CUL1: variants seen among roughly 807,000 people sequenced by gnomAD.
The protein encoded by CUL1 is cullin-1.
CUL1 carries 24 observed loss-of-function variants against 118.0 expected under a neutral mutation model. The observed-to-expected ratio is 0.20, with a 90% CI of 0.15 to 0.29. The LOEUF (loss-of-function observed/expected upper bound fraction) is 0.29, where lower values mean the gene tolerates loss of function less well. Ranked by LOEUF, CUL1 falls within the 10% of genes least tolerant of loss-of-function variation. CUL1 has a pLI of 1.00. For synonymous variants in CUL1, 332 were observed against 340.4 expected, an observed-to-expected ratio of 0.98 and a Z score of 0.27; for missense variants, 361 against 933.8, an observed-to-expected ratio of 0.39 and a Z score of 7.99.
At chr7:148,793,580 T>C (rs1459414043) in intron 17 of CUL1, among the ~76,000 whole-genome samples, 1 of 152,232 alleles carries the variant, frequency 6.6e-6, no homozygotes, top group Non-Finnish European at 1.5e-5. Context: ...TTTCCCTCAG[T>C]GTATACTGTT....
intron 9 of CUL1, among the ~76,000 whole-genome samples, chr7:148,777,679 C>G (rs1800449929): frequency 6.6e-6 from 1 of 152,092 alleles, no homozygotes; most frequent in Non-Finnish European, 1.5e-5. Context: ...CCAGGGGCAA[C>G]TGCAGCAACA....
rs1800863534 is a variant in CUL1 at position 148,787,705 on chromosome 7, T to G, written c.1479+585T>G. Reference sequence around the variant, plus strand: ...TGGGGCCTCTCCTGCCTCCCACACCTTTAGCCTTGCAGCACATTCACACTT... The same window carrying G: ...TGGGGCCTCTCCTGCCTCCCACACCGTTAGCCTTGCAGCACATTCACACTT... On this transcript the variant is annotated intron_variant, in intron 13 of 21. Transcript: ENST00000325222. The surrounding 1 kb of genome is among the most constrained non-coding windows in gnomAD (Gnocchi z 5.5). Among the ~76,000 whole-genome samples, 1 of 152,136 alleles carries G rather than the reference T, an allele frequency of 6.6e-6. No homozygotes were observed. Among genetic ancestry groups the G allele is most frequent in the Admixed American group, 6.5e-5 (1 of 15,284 alleles).
At chr7:148,712,010 G>A (rs1474127518) in intron 1 of CUL1, among the ~76,000 whole-genome samples, 2 of 152,184 alleles carry the variant, frequency 1.3e-5, no homozygotes, top group African/African-American at 4.8e-5. Context: ...ACGCTTAGTG[G>A]CCTGAGGATG....
chr7:148,748,553 G>T (rs1313904855), intron 2 of CUL1, among the ~76,000 whole-genome samples: 3 of 152,158 alleles, frequency 2.0e-5, no homozygotes, highest in African/African-American at 7.2e-5. Flanking sequence ...AAGATAAATT[G>T]ATAAAACCAT....
At position 148,797,782 on chromosome 7, in the gene CUL1, T is replaced by C. The variant is rs1022042237; in HGVS notation, c.1900-30T>C. 3.8e-6 allele frequency: 6 copies of C among 1,596,294 alleles called. No homozygotes were observed. The African/African-American group carries it at 6.7e-5, about 18-fold the overall frequency. Reference sequence around the variant, plus strand: ...TTGCAAAGAAAAATGCATTTTCCCTTTAACTTCCTCTTTTTCTCTTTAATT... The same window carrying C: ...TTGCAAAGAAAAATGCATTTTCCCTCTAACTTCCTCTTTTTCTCTTTAATT... On this transcript the variant is annotated intron_variant, in intron 17 of 21. Transcript: ENST00000325222.
At chr7:148,779,692 T>C (rs1006123269) in intron 9 of CUL1, among the ~76,000 whole-genome samples, 10 of 152,168 alleles carry the variant, frequency 6.6e-5, no homozygotes, top group African/African-American at 2.4e-4. Flanking sequence ...CTTGCTGCCA[T>C]GTAGAAAGTG....
At chr7:148,699,736 G>A (rs1173485415) in intron 1 of CUL1, among the ~76,000 whole-genome samples, 1 of 152,096 alleles carries the variant, frequency 6.6e-6, no homozygotes. Context: ...TAGCCCGGCG[G>A]CCGAACCGGA....
At chr7:148,777,010 C>T (rs569181064) in intron 9 of CUL1, among the ~76,000 whole-genome samples, 4 of 152,290 alleles carry the variant, frequency 2.6e-5, no homozygotes, top group East Asian at 1.9e-4. Context: ...TTAACATTTT[C>T]GTCTGTAAAC....
intron 7 of CUL1, 131 bp downstream of exon 7, chr7:148,760,627 A>G: frequency 1.6e-6 from 1 of 634,658 alleles, no homozygotes; most frequent in Non-Finnish European, 2.7e-6. Flanking sequence ...TGTTTTTATC[A>G]GGTGCAAGTG....
At chr7:148,744,579 G>A (rs1488284267) in intron 2 of CUL1, among the ~76,000 whole-genome samples, 2 of 151,928 alleles carry the variant, frequency 1.3e-5, no homozygotes, top group African/African-American at 2.4e-5. Flanking sequence ...TACTCGTATC[G>A]CTCTCCTTTA....
At chr7:148,740,633 C>T (rs1250787424) in intron 2 of CUL1, among the ~76,000 whole-genome samples, 1 of 152,150 alleles carries the variant, frequency 6.6e-6, no homozygotes, top group East Asian at 1.9e-4. Context: ...AATTGTGCCT[C>T]TCCTCCATTC....
rs894830474 is a variant in CUL1 at position 148,754,051 on chromosome 7, G to A, written c.216G>A (p.Ser72=). ...ARGAGVPPSK[S]KKGQTPGGAQ... The stretch of plus-strand genomic sequence containing the variant: ...GAGCTGGAGTTCCTCCTTCTAAGTC[G>A]AAAAAGGGGCAGACACCTGGAGGAG... The change falls in exon 3 of 22, where the codon TCG becomes TCA. Residue 72 remains serine (S), a synonymous_variant. Transcript: ENST00000325222. 1.1e-5 allele frequency: 17 copies of A among 1,613,654 alleles called. No homozygotes were observed. The highest frequency in any genetic ancestry group is 2.2e-5 in the East Asian group (1 of 44,894).
Position 148,783,985 on chromosome 7 carries a change from C to T in CUL1, c.1206C>T (p.Phe402=). ...VAALDKACGR[F]INNNAVTKMA... is the part of the protein sequence containing the mutation. ...GTGTAACGCAGGCTTGTGGTCGCTTCATAAACAACAACGCGGTTACCAAGA... is the reference window on the plus strand; with the variant it reads ...GTGTAACGCAGGCTTGTGGTCGCTTTATAAACAACAACGCGGTTACCAAGA... Residue 402 remains phenylalanine, a synonymous_variant, in exon 11 of 22, where the codon TTC becomes TTT. Coordinates refer to ENST00000325222, the MANE Select transcript of CUL1 (RefSeq NM_003592.3). 3 of 1,614,116 alleles carry T rather than the reference C, an allele frequency of 1.9e-6. No homozygotes were observed. The highest frequency in any genetic ancestry group is 2.5e-6 in the Non-Finnish European group (3 of 1,180,020).
At chr7:148,776,307 C>CGTTTTTTTTTTT (rs1800395793) in intron 9 of CUL1, among the ~76,000 whole-genome samples, 1 of 40,692 alleles carries the variant, frequency 2.5e-5, no homozygotes, top group Non-Finnish European at 4.1e-5. Flanking sequence ...CATAACCAGG[C>CGTTTTTTTTTTT]TTTTTTTTTT....
intron 1 of CUL1, among the ~76,000 whole-genome samples, chr7:148,701,460 C>A (rs1243859715): frequency 6.6e-6 from 1 of 152,222 alleles, no homozygotes; most frequent in Non-Finnish European, 1.5e-5. Context: ...GAAACTTTAA[C>A]TTTTTTCCCC....
intron 2 of CUL1, among the ~76,000 whole-genome samples, chr7:148,736,245 A>G (rs1798937854): frequency 1.3e-5 from 2 of 152,216 alleles, no homozygotes; most frequent in Non-Finnish European, 2.9e-5. Flanking sequence ...ACCAAGCTCT[A>G]CAGTGCAGGC....
chr7:148,726,388 TAA>T (rs750172244), intron 1 of CUL1, among the ~76,000 whole-genome samples: 1 of 143,814 alleles, frequency 7.0e-6, no homozygotes, highest in African/African-American at 2.5e-5. Context: ...AGTCAAGCTT[TAA>T]AAAAAAAAAA....
At chr7:148,712,889 C>G (rs1281117529) in intron 1 of CUL1, among the ~76,000 whole-genome samples, 1 of 152,146 alleles carries the variant, frequency 6.6e-6, no homozygotes, top group Non-Finnish European at 1.5e-5. Flanking sequence ...CAATCAGTGC[C>G]TCTTGAATTA....
At chr7:148,717,829 G>A (rs1320516660) in intron 1 of CUL1, among the ~76,000 whole-genome samples, 1 of 152,128 alleles carries the variant, frequency 6.6e-6, no homozygotes, top group Non-Finnish European at 1.5e-5. Context: ...TCCTGATCTT[G>A]TAGCCTGAAA....
Sources: allele counts gnomAD v4.1 joint callset (sites outside exome capture counted in the v4.1 genomes callset), GRCh38; gene constraint gnomAD v4.1.1; non-coding constraint Gnocchi (gnomAD v3.1); transcripts MANE v1.5; gene names NCBI Gene and HGNC (gene_info 2026-07-23, HGNC 2026-07-21).